The following OLFML2A variants were observed in gnomAD, a reference collection of about 807,000 sequenced individuals.
OLFML2A encodes olfactomedin like 2A.
OLFML2A carries 47 observed loss-of-function variants against 60.9 expected under a neutral mutation model. That is an observed-to-expected ratio of 0.77 (90% CI 0.61 to 0.98). The LOEUF (loss-of-function observed/expected upper bound fraction) is 0.98, where lower values mean the gene tolerates loss of function less well. Among genes scored for constraint, OLFML2A ranks in the 50% least tolerant of loss-of-function variants. The pLI is 0.00. For synonymous variants in OLFML2A, 372 were observed against 375.0 expected (o/e 0.99, Z 0.09); for missense variants, 922 against 879.8 (o/e 1.05, Z -0.61).
intron 6 of OLFML2A, among the ~76,000 whole-genome samples, chr9:124,805,160 TTCC>T (rs1237871180): frequency 6.6e-6 from 1 of 152,208 alleles, no homozygotes; most frequent in Non-Finnish European, 1.5e-5. Flanking sequence ...GGTAGAAATC[TTCC>T]TCGTTAAGTC....
At chr9:124,780,708 G>A (rs904063566) in intron 1 of OLFML2A, among the ~76,000 whole-genome samples, 1 of 152,238 alleles carries the variant, frequency 6.6e-6, no homozygotes, top group African/African-American at 2.4e-5. Context: ...CTTTGGCTGG[G>A]GCATCTGGGG....
chr9:124,791,944 C>T (rs1332184397), intron 2 of OLFML2A, among the ~76,000 whole-genome samples: 1 of 152,132 alleles, frequency 6.6e-6, no homozygotes, highest in Non-Finnish European at 1.5e-5. Flanking sequence ...CTCAGCAGAT[C>T]GCACATTGAG....
chr9:124,783,871 G>A (rs1449867838), intron 1 of OLFML2A, among the ~76,000 whole-genome samples: 1 of 152,192 alleles, frequency 6.6e-6, no homozygotes, highest in Non-Finnish European at 1.5e-5. Flanking sequence ...AATAGGTGCA[G>A]TAAAGAAAAC....
At chr9:124,799,583 G>A in intron 4 of OLFML2A, 92 bp downstream of exon 4, 1 of 1,070,748 alleles carries the variant, frequency 9.3e-7, no homozygotes. Context: ...AGCTCGATGG[G>A]GGTTTGGGGC....
In OLFML2A at chr9:124,813,604, C is replaced by T. The variant is rs1272062781; in HGVS notation, c.*3192C>T. 6.6e-6 allele frequency: 1 copy of T among 152,200 alleles called. No homozygotes were observed. Among genetic ancestry groups the T allele is most frequent in the South Asian group, 2.1e-4 (1 of 4,820 alleles). The allele number at this position is 152,200 out of a possible 1,614,324, so 9.4% of individuals were successfully genotyped here. On this transcript the variant is annotated 3_prime_UTR_variant, in exon 8 of 8. Transcript: ENST00000373580. ...GGAGGCTGTTGCTTTTATCCCTAAA[C>T]TGCATCCACAGAGAAGCCCCAAGAA...
chr9:124,804,039 C>T (rs78177758), intron 5 of OLFML2A, 55 bp from the exon 6 acceptor site: 21,986 of 1,588,552 alleles, frequency 0.014, 667 homozygotes, highest in African/African-American at 0.1. Flanking sequence ...CTTAGGGAGA[C>T]CCACACGGCA....
chr9:124,802,310 C>T (rs1260724988), intron 5 of OLFML2A, among the ~76,000 whole-genome samples: 2 of 152,178 alleles, frequency 1.3e-5, no homozygotes, highest in Non-Finnish European at 2.9e-5. Context: ...TAAGACCCGC[C>T]CCAGATGGCT....
intron 5 of OLFML2A, 99 bp from the exon 6 acceptor site, chr9:124,803,995 C>T: frequency 7.2e-7 from 1 of 1,397,868 alleles, no homozygotes; most frequent in Non-Finnish European, 9.7e-7. Context: ...CCCCTCCACT[C>T]CCTGAGGGCC....
chr9:124,799,460 C>G lies in OLFML2A; in HGVS notation c.638C>G (p.Thr213Ser). 1 of 1,606,200 alleles carries G rather than the reference C, an allele frequency of 6.2e-7. No individual in the cohort carries two copies. Among genetic ancestry groups the G allele is most frequent in the Non-Finnish European group, 8.5e-7 (1 of 1,177,210 alleles). Residue 213 changes from threonine (T) to serine (S), a missense_variant, in exon 4 of 8, where the codon ACC becomes AGC. By Grantham distance (58) the Thr-to-Ser change is moderately conservative. Coordinates refer to ENST00000373580, the MANE Select transcript of OLFML2A (RefSeq NM_182487.4). ...AAGGATGCCGCCGCCGCCCCTGCCA[C>G]CCCTGCCACGGGCACTGGTAGCAAG... Reference protein sequence around the residue: ...LQKDAAAAPATPATGTGSKAQ... With the variant: ...LQKDAAAAPASPATGTGSKAQ...
Position 124,778,362 on chromosome 9 carries a change from AAAAAAAAAAG to A in OLFML2A, c.90+1012_90+1021del, listed in dbSNP as rs560305641. On this transcript the variant is annotated intron_variant, in intron 1 of 7. Coordinates refer to ENST00000373580, the MANE Select transcript of OLFML2A (RefSeq NM_182487.4). ...GGCGACAGAGCGAGACTCCGTGTCA[AAAAAAAAAAG>A]AAAAAAAAAAAATACTTAGCACCAG... Among the ~76,000 whole-genome samples, 227 of 149,412 alleles carry A rather than the reference AAAAAAAAAAG, an allele frequency of 1.5e-3. 1 individual carries two copies. Among genetic ancestry groups the A allele is most frequent in the Non-Finnish European group, 2.8e-3 (190 of 67,240 alleles).
intron 5 of OLFML2A, among the ~76,000 whole-genome samples, chr9:124,802,162 ACT>A (rs1007647442): frequency 5.9e-5 from 9 of 151,822 alleles, no homozygotes; most frequent in African/African-American, 2.2e-4. Context: ...GAGCCCACAG[ACT>A]CTTGTATTTT....
chr9:124,786,534 C>T (rs1220345801), intron 1 of OLFML2A, among the ~76,000 whole-genome samples: 3 of 151,970 alleles, frequency 2.0e-5, no homozygotes, highest in African/African-American at 7.3e-5. Context: ...TCCTGGCTAA[C>T]ACAGTGAAAC....
At chr9:124,787,967 T>C (rs981017258) in intron 2 of OLFML2A, among the ~76,000 whole-genome samples, 1 of 152,014 alleles carries the variant, frequency 6.6e-6, no homozygotes, top group Non-Finnish European at 1.5e-5. Context: ...CCTCACATAA[T>C]GATGGGCAGC....
At chr9:124,781,394 G>A (rs1036540844) in intron 1 of OLFML2A, among the ~76,000 whole-genome samples, 1 of 152,144 alleles carries the variant, frequency 6.6e-6, no homozygotes, top group Non-Finnish European at 1.5e-5. Flanking sequence ...GTACCTCTGG[G>A]CAGCCAGGGG....
intron 1 of OLFML2A, among the ~76,000 whole-genome samples, chr9:124,783,483 TAAG>T (rs1424221495): frequency 2.0e-5 from 3 of 152,108 alleles, no homozygotes; most frequent in Non-Finnish European, 2.9e-5. Context: ...ATGATAATAA[TAAG>T]AAGAATACTT....
chr9:124,805,189 C>A (rs908558561), intron 6 of OLFML2A, among the ~76,000 whole-genome samples: 4 of 152,126 alleles, frequency 2.6e-5, no homozygotes, highest in Non-Finnish European at 4.4e-5. Context: ...TCCCGTCCTT[C>A]CGAAGGGATC....
At chr9:124,799,733 T>C (rs912775747) in intron 4 of OLFML2A, among the ~76,000 whole-genome samples, 9 of 152,218 alleles carry the variant, frequency 5.9e-5, no homozygotes, top group Non-Finnish European at 7.3e-5. Flanking sequence ...GGCTGGTCCC[T>C]AAGCCAGGTG....
intron 2 of OLFML2A, among the ~76,000 whole-genome samples, chr9:124,788,328 C>A (rs1351337763): frequency 6.6e-6 from 1 of 150,784 alleles, no homozygotes; most frequent in Non-Finnish European, 1.5e-5. Context: ...GAAACCCAGG[C>A]CGGGTGCAGT....
Position 124,779,421 on chromosome 9 carries a change from G to A in OLFML2A, c.90+2061G>A, listed in dbSNP as rs760164080. 2.0e-5 allele frequency among the ~76,000 whole-genome samples: 3 copies of A among 152,198 alleles called. No individual in the cohort carries two copies. The highest frequency in any genetic ancestry group is 2.9e-5 in the Non-Finnish European group (2 of 68,042). On this transcript the variant is annotated intron_variant, in intron 1 of 7. Transcript: ENST00000373580. The surrounding 1 kb of genome is among the most constrained non-coding windows in gnomAD (Gnocchi z 4.1). The stretch of plus-strand genomic sequence containing the variant: ...GGATATTTGGTGTTGGGCATCGTCT[G>A]TGCAGAGAGCTGTAGAGCTTGTGGG...
Sources: allele counts gnomAD v4.1 joint callset (sites outside exome capture counted in the v4.1 genomes callset), GRCh38; gene constraint gnomAD v4.1.1; non-coding constraint Gnocchi (gnomAD v3.1); transcripts MANE v1.5; gene names NCBI Gene and HGNC (gene_info 2026-07-23, HGNC 2026-07-21).